FOXN3: variants seen among roughly 807,000 people sequenced by gnomAD.
FOXN3 encodes the protein forkhead box N3, also known as forkhead box protein N3.
FOXN3 carries 7 observed loss-of-function variants against 38.4 expected under a neutral mutation model. That is an observed-to-expected ratio of 0.18 (90% CI 0.10 to 0.34). The LOEUF (loss-of-function observed/expected upper bound fraction) is 0.34, where lower values mean the gene tolerates loss of function less well. FOXN3 is among the 10% of genes least tolerant of loss of function. The pLI is 1.00. For missense variants in FOXN3, 456 were observed against 613.4 expected (o/e 0.74, Z 2.71); for synonymous variants, 230 against 242.2 (o/e 0.95, Z 0.47).
At chr14:89,446,561 T>C (rs1213220380) in intron 1 of FOXN3, among the ~76,000 whole-genome samples, 1 of 152,264 alleles carries the variant, frequency 6.6e-6, no homozygotes, top group Non-Finnish European at 1.5e-5. Context: ...AGAGTTTTTC[T>C]ATTTATTTAA....
intron 1 of FOXN3, among the ~76,000 whole-genome samples, chr14:89,617,472 T>C (rs995071458): frequency 3.3e-5 from 5 of 152,258 alleles, no homozygotes; most frequent in African/African-American, 9.6e-5. Flanking sequence ...TTAGACTTAG[T>C]GCATGAAACG....
intron 4 of FOXN3, among the ~76,000 whole-genome samples, chr14:89,203,908 G>T (rs1377209508): frequency 6.6e-6 from 1 of 152,070 alleles, no homozygotes; most frequent in Non-Finnish European, 1.5e-5. Flanking sequence ...GCCAGCATTG[G>T]TGCTCTGGTT....
At chr14:89,397,762 C>T (rs1021176925) in intron 2 of FOXN3, among the ~76,000 whole-genome samples, 39 of 152,332 alleles carry the variant, frequency 2.6e-4, no homozygotes, top group Admixed American at 2.4e-3. Context: ...TTTAGCAAGC[C>T]ACTGAACCTC....
intron 1 of FOXN3, among the ~76,000 whole-genome samples, chr14:89,460,158 T>A (rs1892812859): frequency 6.6e-6 from 1 of 152,196 alleles, no homozygotes; most frequent in Non-Finnish European, 1.5e-5. Context: ...GACAAGGACA[T>A]CCTAGTTACA....
chr14:89,544,484 C>T lies in FOXN3; in HGVS notation c.-15+74544G>A, dbSNP rs112615081. On this transcript the variant is annotated intron_variant, in intron 1 of 6. Transcript: ENST00000345097. ...ATCTCCTTTTGCTAACATCTGAGGA[C>T]ATCAGTCAATAATCAACAAACCCTT... Among the ~76,000 whole-genome samples the T allele has an allele frequency of 2.5e-3, 388 of 152,252 alleles. 4 individuals carry two copies. Among genetic ancestry groups the T allele is most frequent in the African/African-American group, 8.9e-3 (371 of 41,536 alleles).
chr14:89,347,642 C>T (rs1013501986), intron 3 of FOXN3, among the ~76,000 whole-genome samples: 2 of 152,236 alleles, frequency 1.3e-5, no homozygotes, highest in African/African-American at 4.8e-5. Context: ...AACATACATT[C>T]AAAAGGGCAC....
chr14:89,212,303 C>T (rs930763746), intron 4 of FOXN3, among the ~76,000 whole-genome samples: 7 of 152,252 alleles, frequency 4.6e-5, no homozygotes, highest in African/African-American at 1.7e-4. Flanking sequence ...ATTGCTCCTT[C>T]AAACTGCGGA....
intron 4 of FOXN3, among the ~76,000 whole-genome samples, chr14:89,220,738 T>TA (rs1368279188): frequency 6.6e-6 from 1 of 152,170 alleles, no homozygotes; most frequent in Non-Finnish European, 1.5e-5. Flanking sequence ...GCATCAGTAC[T>TA]CCTATCAGAC....
chr14:89,350,914 A>C, intron 2 of FOXN3, 106 bp from the exon 3 acceptor site: 1 of 848,774 alleles, frequency 1.2e-6, no homozygotes, highest in South Asian at 3.0e-5. Flanking sequence ...AAAGCTTCTC[A>C]TTTGTTGACT....
chr14:89,338,660 G>A (rs979320440), intron 3 of FOXN3, among the ~76,000 whole-genome samples: 1 of 152,154 alleles, frequency 6.6e-6, no homozygotes, highest in South Asian at 2.1e-4. Context: ...CAGGTGTGGT[G>A]ATGGGTGCCT....
At chr14:89,289,156 T>C (rs1268382887) in intron 3 of FOXN3, among the ~76,000 whole-genome samples, 13 of 136,106 alleles carry the variant, frequency 9.6e-5, no homozygotes, top group Non-Finnish European at 1.5e-5. Context: ...TACTCCAGCC[T>C]GGGTGACAGA....
At chr14:89,368,270 C>A (rs1191947362) in intron 2 of FOXN3, among the ~76,000 whole-genome samples, 3 of 148,380 alleles carry the variant, frequency 2.0e-5, no homozygotes, top group Non-Finnish European at 4.4e-5. Flanking sequence ...GCGGAGGTTG[C>A]AGTGAACCAA....
rs376068462 is a variant in FOXN3 at position 89,430,738 on chromosome 14, A to G, written c.-14-18248T>C. Among the ~76,000 whole-genome samples, 103 of 152,338 alleles carry G rather than the reference A, an allele frequency of 6.8e-4. No homozygotes were observed. The South Asian group carries it at 0.02, about 30-fold the overall frequency. On this transcript the variant is annotated intron_variant, in intron 1 of 6. Transcript: ENST00000345097. ...GCTCTTAGATCTCTGAACATTATGT[A>G]TTTTTAAACCACTTTGAATACTTTG...
intron 1 of FOXN3, among the ~76,000 whole-genome samples, chr14:89,517,266 G>C (rs1172126247): frequency 6.6e-6 from 1 of 151,648 alleles, no homozygotes; most frequent in Non-Finnish European, 1.5e-5. Context: ...GGGAGGCTGA[G>C]GCAGGAGAAT....
intron 2 of FOXN3, among the ~76,000 whole-genome samples, chr14:89,392,470 T>G (rs1364798749): frequency 6.6e-6 from 1 of 152,138 alleles, no homozygotes; most frequent in African/African-American, 2.4e-5. Flanking sequence ...AAAATCCAGG[T>G]GTCAGCAGGG....
At chr14:89,446,111 A>T (rs868376063) in intron 1 of FOXN3, among the ~76,000 whole-genome samples, 19 of 142,748 alleles carry the variant, frequency 1.3e-4, no homozygotes, top group African/African-American at 4.4e-4. Context: ...AAAAAAAAAA[A>T]TTTTAAGGAA....
chr14:89,527,921 C>T (rs562457785), intron 1 of FOXN3, among the ~76,000 whole-genome samples: 201 of 152,098 alleles, frequency 1.3e-3, no homozygotes, highest in African/African-American at 4.4e-3. Flanking sequence ...AGGTTGGTCT[C>T]GAACTCCTGA....
At chr14:89,245,123 A>C (rs1330264835) in intron 4 of FOXN3, among the ~76,000 whole-genome samples, 1 of 152,246 alleles carries the variant, frequency 6.6e-6, no homozygotes, top group East Asian at 1.9e-4. Context: ...GTTTGAAGGC[A>C]GCAGCAGGAC....
chr14:89,333,749 TAAAAAAAAAAAA>T (rs57491119), intron 3 of FOXN3, among the ~76,000 whole-genome samples: 4 of 57,266 alleles, frequency 7.0e-5, no homozygotes, highest in South Asian at 1.4e-3. Flanking sequence ...GAGAGACTAT[TAAAAAAAAAAAA>T]AAAAAAAAAA....
Sources: gnomAD v4.1 joint callset for allele counts (sites outside exome capture counted in the v4.1 genomes callset) on GRCh38, gnomAD v4.1.1 for gene constraint, MANE v1.5 for transcripts, NCBI Gene and HGNC (gene_info 2026-07-23, HGNC 2026-07-21) for gene names.